The following NEK1 variants were observed in gnomAD, a reference collection of about 807,000 sequenced individuals.
NEK1 encodes the protein serine/threonine-protein kinase Nek1.
A neutral mutation model predicts 182.1 loss-of-function variants in NEK1; 137 were observed. The observed-to-expected ratio is 0.75, with a 90% CI of 0.65 to 0.87. NEK1 has a LOEUF of 0.87. NEK1 is among the 40% of genes least tolerant of loss of function. The pLI, the probability that NEK1 is intolerant of heterozygous loss-of-function variation, is 0.00. For synonymous variants in NEK1, 513 were observed against 492.2 expected, an observed-to-expected ratio of 1.04 and a Z score of -0.56; for missense variants, 1,391 against 1,494.4, an observed-to-expected ratio of 0.93 and a Z score of 1.14.
chr4:169,555,597 A>C, intron 18 of NEK1, 123 bp downstream of exon 18: 1 of 1,309,702 alleles, frequency 7.6e-7, no homozygotes, highest in Admixed American at 1.8e-5. Flanking sequence ...ATTGTACCCA[A>C]GAGGCAAAAA....
intron 18 of NEK1, among the ~76,000 whole-genome samples, chr4:169,549,594 TG>T (rs1379467634): frequency 1.3e-5 from 2 of 152,108 alleles, no homozygotes; most frequent in Admixed American, 6.5e-5. Context: ...GGCTAATTTT[TG>T]TATTTTTAGT....
chr4:169,564,985 C>G (rs1355417012), intron 12 of NEK1, among the ~76,000 whole-genome samples: 2 of 152,176 alleles, frequency 1.3e-5, no homozygotes, highest in Non-Finnish European at 2.9e-5. Context: ...CATTTACTCT[C>G]TGACAAAATA....
Position 169,477,432 on chromosome 4 carries a change from T to A in NEK1, c.2205A>T (p.Ser735=), listed in dbSNP as rs763993058. 6.2e-7 allele frequency: 1 copy of A among 1,602,234 alleles called. No individual in the cohort carries two copies. Among genetic ancestry groups the A allele is most frequent in the Non-Finnish European group, 8.5e-7 (1 of 1,174,492 alleles). ...EEMQKTNNAI[S]SKREILRRLN... Reference sequence around the variant, plus strand: ...GATAAACTTTGAAAATTTTACTTACTGAAATAGCATTGTTGGTCTTTTGCA... The same window carrying A: ...GATAAACTTTGAAAATTTTACTTACAGAAATAGCATTGTTGGTCTTTTGCA... Residue 735 remains serine, a splice_region_variant and synonymous_variant, in exon 25 of 36, where the codon TCA becomes TCT. Transcript: ENST00000507142.
intron 29 of NEK1, among the ~76,000 whole-genome samples, chr4:169,432,362 C>G (rs1737598444): frequency 1.3e-5 from 2 of 152,084 alleles, no homozygotes; most frequent in Admixed American, 1.3e-4. Flanking sequence ...TATAAAAATG[C>G]AGTTGACCAA....
chr4:169,451,863 T>C lies in NEK1; in HGVS notation c.2587+11380A>G, dbSNP rs569920423. Reference sequence around the variant, plus strand: ...TCCAGGAGATGGTTTTTTGAAAAGATCAACAAAATTGATAGACCACTAGCA... The same window carrying C: ...TCCAGGAGATGGTTTTTTGAAAAGACCAACAAAATTGATAGACCACTAGCA... On this transcript the variant is annotated intron_variant, in intron 27 of 35. Transcript: ENST00000507142. 2.0e-5 allele frequency among the ~76,000 whole-genome samples: 3 copies of C among 152,094 alleles called. No individual in the cohort carries two copies. The South Asian group carries it at 6.2e-4, about 32-fold the overall frequency.
chr4:169,496,166 T>C (rs948092061), intron 23 of NEK1, among the ~76,000 whole-genome samples: 2 of 152,222 alleles, frequency 1.3e-5, no homozygotes, highest in Admixed American at 6.5e-5. Flanking sequence ...TTTGAAGCAA[T>C]TGTGAATGGG....
intron 27 of NEK1, among the ~76,000 whole-genome samples, chr4:169,442,184 TG>T (rs1264790357): frequency 6.6e-6 from 1 of 152,128 alleles, no homozygotes; most frequent in Non-Finnish European, 1.5e-5. Context: ...GAACACCATC[TG>T]GGGGGCCAAG....
intron 12 of NEK1, among the ~76,000 whole-genome samples, chr4:169,574,212 A>C (rs1175756858): frequency 6.6e-6 from 1 of 152,224 alleles, no homozygotes; most frequent in Non-Finnish European, 1.5e-5. Context: ...CATGTTCTAT[A>C]GGAAGTATCA....
At position 169,508,140 on chromosome 4, in the gene NEK1, G is replaced by A. The variant is rs939929716; in HGVS notation, c.1833+108C>T. ...TTTTGATCTTTGAACTTCCACTGTC[G>A]TCATCAGTTTTGTTGTTGTTGTCGT... On this transcript the variant is annotated intron_variant, in intron 21 of 35. Transcript: ENST00000507142. 2.1e-5 allele frequency: 19 copies of A among 922,156 alleles called. No homozygotes were observed. In the African/African-American group the frequency reaches 2.4e-4, roughly 12 times the overall value. The allele number at this position is 922,156 out of a possible 1,614,324, so 57.1% of individuals were successfully genotyped here.
chr4:169,481,617 G>A (rs949130253), intron 23 of NEK1, among the ~76,000 whole-genome samples: 1 of 152,078 alleles, frequency 6.6e-6, no homozygotes, highest in African/African-American at 2.4e-5. Context: ...TAACCAGTAG[G>A]TCTCAACAGT....
intron 23 of NEK1, among the ~76,000 whole-genome samples, chr4:169,495,389 G>A (rs1434762365): frequency 5.3e-5 from 8 of 151,796 alleles, no homozygotes; most frequent in Admixed American, 2.0e-4. Context: ...GACTACAGGC[G>A]CGCGCCACCA....
chr4:169,546,457 T>C (rs908867873), intron 18 of NEK1, among the ~76,000 whole-genome samples: 11 of 152,188 alleles, frequency 7.2e-5, no homozygotes, highest in African/African-American at 2.7e-4. Flanking sequence ...ATGTATACCC[T>C]GTTGATTTGG....
chr4:169,452,377 C>T (rs1020371515), intron 27 of NEK1, among the ~76,000 whole-genome samples: 3 of 152,098 alleles, frequency 2.0e-5, no homozygotes, highest in East Asian at 1.9e-4. Context: ...TAATTTTAGA[C>T]CAATATCCCT....
At chr4:169,528,080 C>T (rs1455856884) in intron 19 of NEK1, among the ~76,000 whole-genome samples, 2 of 151,990 alleles carry the variant, frequency 1.3e-5, no homozygotes, top group Non-Finnish European at 2.9e-5. Flanking sequence ...CAAGGATATG[C>T]CTTACTGACT....
chr4:169,527,045 A>G (rs1465989699), intron 19 of NEK1, among the ~76,000 whole-genome samples: 1 of 152,194 alleles, frequency 6.6e-6, no homozygotes, highest in Non-Finnish European at 1.5e-5. Flanking sequence ...CTAAAGACAA[A>G]GAAAAAATAC....
At chr4:169,511,337 C>G (rs1258655635) in intron 19 of NEK1, among the ~76,000 whole-genome samples, 1 of 151,914 alleles carries the variant, frequency 6.6e-6, no homozygotes, top group Admixed American at 6.6e-5. Context: ...AAATAAGCAG[C>G]GCTGGGCAAA....
intron 6 of NEK1, among the ~76,000 whole-genome samples, chr4:169,590,222 C>T (rs946360115): frequency 6.6e-6 from 1 of 152,132 alleles, no homozygotes; most frequent in African/African-American, 2.4e-5. Flanking sequence ...GCAGGAGAAT[C>T]GCTTGAACCT....
chr4:169,441,017 A>C (rs1396064225), intron 27 of NEK1, among the ~76,000 whole-genome samples: 3 of 152,120 alleles, frequency 2.0e-5, no homozygotes, highest in East Asian at 1.9e-4. Flanking sequence ...ATGTCCACCT[A>C]TAGATTTGCA....
rs1195431226 is a variant in NEK1, at chr4:169,508,236, T to C, written c.1833+12A>G. 4.4e-6 allele frequency: 7 copies of C among 1,575,468 alleles called. No individual in the cohort carries two copies. Among genetic ancestry groups the C allele is most frequent in the Non-Finnish European group, 5.2e-6 (6 of 1,162,236 alleles). On this transcript the variant is annotated intron_variant, in intron 21 of 35. Coordinates refer to ENST00000507142, the MANE Select transcript of NEK1 (RefSeq NM_001199397.3). ...CATTCAATTTCTTCAAAAAAATAGC[T>C]TTTCAACCTACCTTTTCACCACGAA...
Sources: allele counts gnomAD v4.1 joint callset (sites outside exome capture counted in the v4.1 genomes callset), GRCh38; gene constraint gnomAD v4.1.1; transcripts MANE v1.5; gene names NCBI Gene and HGNC (gene_info 2026-07-23, HGNC 2026-07-21).